Variants in ZNF33A observed in about 807,000 individuals in gnomAD.
The protein encoded by ZNF33A is zinc finger protein 33A.
A neutral mutation model predicts 15.9 loss-of-function variants in ZNF33A; 9 were observed. That is an observed-to-expected ratio of 0.57 (90% CI 0.34 to 0.99). The LOEUF (loss-of-function observed/expected upper bound fraction) is 0.99. Ranked by LOEUF, ZNF33A falls within the 50% of genes least tolerant of loss-of-function variation. The probability of loss-of-function intolerance (pLI) is 0.02; values close to 1 mark genes in which losing one functional copy is unlikely to be tolerated. For synonymous variants in ZNF33A, 294 were observed against 324.2 expected (o/e 0.91, Z 1.00); for missense variants, 843 against 941.6 (o/e 0.90, Z 1.37).
rs577175121 is a variant in ZNF33A, at chr10:38,056,677, G to A, written c.*117G>A. Reference sequence around the variant, plus strand: ...GTGATATTCTATGTAATATCAGATGGTTAATACGGGCATAACACCTTACAG... The same window carrying A: ...GTGATATTCTATGTAATATCAGATGATTAATACGGGCATAACACCTTACAG... On this transcript the variant is annotated 3_prime_UTR_variant, in exon 5 of 5. Transcript: ENST00000432900. The A allele has an allele frequency of 2.9e-6, 4 of 1,385,144 alleles. No individual in the cohort carries two copies. The highest frequency in any genetic ancestry group is 5.9e-5 in the Admixed American group (2 of 33,820). The allele number at this position is 1,385,144 out of a possible 1,614,324, so 85.8% of individuals were successfully genotyped here. A position where few individuals can be genotyped will look rare whatever the true frequency, so the allele number is the denominator to read the frequency against.
intron 4 of ZNF33A, among the ~76,000 whole-genome samples, chr10:38,039,832 A>T (rs1330483640): frequency 2.0e-5 from 3 of 151,544 alleles, no homozygotes; most frequent in Non-Finnish European, 4.4e-5. Flanking sequence ...GATCTTTTCC[A>T]GGAATCAGCT....
At chr10:38,039,581 T>G (rs1302060091) in intron 4 of ZNF33A, 1 of 453,778 alleles carries the variant, frequency 2.2e-6, no homozygotes. Flanking sequence ...TGTAGGTCTT[T>G]TCAGATTTTT....
At chr10:38,048,598 T>C (rs564330703) in intron 4 of ZNF33A, among the ~76,000 whole-genome samples, 6 of 152,246 alleles carry the variant, frequency 3.9e-5, no homozygotes, top group Admixed American at 6.5e-5. Context: ...GGAAAAGATA[T>C]AGAATGGTAA....
At chr10:38,064,163 C>T, downstream of ZNF33A, 3 of 1,572,018 alleles carry the variant, frequency 1.9e-6, no homozygotes, top group Non-Finnish European at 2.6e-6. Context: ...GCCTGCCACA[C>T]CAGGACTGGA....
chr10:38,018,571 A>G (rs1437630832), intron 4 of ZNF33A, among the ~76,000 whole-genome samples: 1 of 152,230 alleles, frequency 6.6e-6, no homozygotes, highest in East Asian at 1.9e-4. Flanking sequence ...ATATTTCTAT[A>G]AGATCTTTCT....
At chr10:38,053,224 C>T (rs1171896769) in intron 4 of ZNF33A, among the ~76,000 whole-genome samples, 3 of 152,124 alleles carry the variant, frequency 2.0e-5, no homozygotes, top group African/African-American at 4.8e-5. Context: ...AATTTTCTCA[C>T]AATTGTGGAG....
intron 2 of ZNF33A, among the ~76,000 whole-genome samples, chr10:38,013,545 G>A (rs1233943899): frequency 9.3e-5 from 14 of 150,606 alleles, no homozygotes; most frequent in African/African-American, 2.0e-4. Context: ...CTCCTGCCTC[G>A]ACTCCTTGGT....
In ZNF33A at chr10:38,044,354, C is replaced by T. The variant is rs934580904; in HGVS notation, c.251-10021C>T. Among the ~76,000 whole-genome samples the T allele has an allele frequency of 4.8e-5, 7 of 144,402 alleles. No homozygotes were observed. The South Asian group carries it at 7.0e-4, about 15-fold the overall frequency. 94.7% of individuals were successfully genotyped at this position (144,402 alleles called of 152,430 possible). A position where few individuals can be genotyped will look rare whatever the true frequency, so the allele number is the denominator to read the frequency against. On this transcript the variant is annotated intron_variant, in intron 4 of 4. Coordinates refer to ENST00000432900, the MANE Select transcript of ZNF33A (RefSeq NM_006954.2). ...TCCAGAGTAGCTGGGATTACAGGTG[C>T]GTGTGCTACCACACTCAGCTAATTT...
At chr10:38,063,002 CAAAAAAAAAAAAAAAAAA>C (rs373779802), downstream of ZNF33A, among the ~76,000 whole-genome samples, 8,549 of 44,690 alleles carry the variant, frequency 0.19, 417 homozygotes, top group Middle Eastern at 0.32. Context: ...GACTCCATCT[CAAAAAAAAAAAAAAAAAA>C]AAAAAAAAAA....
downstream of ZNF33A, chr10:38,064,101 T>G: frequency 6.3e-7 from 1 of 1,597,820 alleles, no homozygotes; most frequent in Non-Finnish European, 8.5e-7. Flanking sequence ...CCTGAGATGC[T>G]CATGCCCTTG....
rs116120583 is a variant in ZNF33A at position 38,055,210 on chromosome 10, T to C, written c.1086T>C (p.Cys362=). ...TGQKPFQCNE[C]EKAFWDKSNL... The stretch of plus-strand genomic sequence containing the variant: ...AGAAACCCTTTCAATGTAATGAATG[T>C]GAAAAAGCTTTCTGGGATAAGTCAA... The change falls in exon 5 of 5, where the codon TGT becomes TGC. Residue 362 remains cysteine (C), a synonymous_variant. Transcript: ENST00000432900. 6.7e-4 allele frequency: 1,081 copies of C among 1,614,142 alleles called. 3 individuals carry two copies. In the African/African-American group the frequency reaches 0.013, roughly 20 times the overall value.
At chr10:38,015,975 C>T in intron 2 of ZNF33A, 1 of 1,231,118 alleles carries the variant, frequency 8.1e-7, no homozygotes, top group Non-Finnish European at 1.0e-6. Context: ...AGCAGTGATC[C>T]CTAAAAGATG....
At position 38,056,481 on chromosome 10, in the gene ZNF33A, A is replaced by G. The variant is rs71491230; in HGVS notation, c.2357A>G (p.Gln786Arg). 3,719 of 1,613,372 alleles carry G rather than the reference A, an allele frequency of 2.3e-3. 7 individuals are homozygous for G. The highest frequency in any genetic ancestry group is 2.6e-3 in the Non-Finnish European group (3,103 of 1,179,558). The change falls in exon 5 of 5, where the codon CAG becomes CGG. Residue 786 changes from glutamine (Q) to arginine (R), a missense_variant. Gln to Arg is a conservative substitution (Grantham distance 43). Coordinates refer to ENST00000432900, the MANE Select transcript of ZNF33A (RefSeq NM_006954.2). ...LMNEMDIRNF[Q>R]PQVSLHNASE... ...AATGAAATGGATATTAGAAATTTCC[A>G]GCCACAAGTCAGCCTCCATAATGCC...
At chr10:38,015,279 C>T (rs1432076180) in intron 2 of ZNF33A, among the ~76,000 whole-genome samples, 1 of 151,766 alleles carries the variant, frequency 6.6e-6, no homozygotes, top group African/African-American at 2.4e-5. Context: ...CTTTGTAGTC[C>T]TTGTTTCATT....
intron 4 of ZNF33A, chr10:38,039,551 A>G (rs1488091456): frequency 2.2e-6 from 1 of 455,634 alleles, no homozygotes; most frequent in African/African-American, 2.0e-5. Context: ...TTAAATTTAC[A>G]ACTTCAATCT....
upstream of ZNF33A, chr10:38,010,672 T>C (rs2064122458): frequency 1.3e-6 from 2 of 1,586,640 alleles, no homozygotes; most frequent in Admixed American, 1.7e-5. Context: ...CGGCTACGTC[T>C]GCGTTTCCGC....
intron 4 of ZNF33A, among the ~76,000 whole-genome samples, chr10:38,049,876 T>C (rs893381358): frequency 1.3e-5 from 2 of 152,116 alleles, no homozygotes; most frequent in Non-Finnish European, 2.9e-5. Context: ...ATTATCAATA[T>C]CAAAAATAAG....
downstream of ZNF33A, chr10:38,060,180 A>G: frequency 4.9e-6 from 4 of 812,168 alleles, no homozygotes; most frequent in Non-Finnish European, 6.0e-6. Flanking sequence ...TATATTTTAA[A>G]TTATGGTAAC....
chr10:38,028,200 C>G (rs2065060999), intron 4 of ZNF33A, among the ~76,000 whole-genome samples: 1 of 151,936 alleles, frequency 6.6e-6, no homozygotes, highest in African/African-American at 2.4e-5. Flanking sequence ...CCCAGGAAGT[C>G]AAGGCTGCAG....
Sources: gnomAD v4.1 joint callset for allele counts (sites outside exome capture counted in the v4.1 genomes callset) on GRCh38, gnomAD v4.1.1 for gene constraint, MANE v1.5 for transcripts, NCBI Gene and HGNC (gene_info 2026-07-23, HGNC 2026-07-21) for gene names.